Variants in UBE2K observed in about 807,000 individuals in gnomAD.
The protein encoded by UBE2K is ubiquitin conjugating enzyme E2 K.
UBE2K carries 6 observed loss-of-function variants against 30.0 expected under a neutral mutation model. The observed-to-expected ratio is 0.20, with a 90% CI of 0.11 to 0.39. UBE2K has a LOEUF of 0.39. Among genes scored for constraint, UBE2K ranks in the 10% least tolerant of loss-of-function variants. The probability of loss-of-function intolerance (pLI) is 1.00; values close to 1 mark genes in which losing one functional copy is unlikely to be tolerated. For missense variants in UBE2K, 61 were observed against 241.6 expected (o/e 0.25, Z 4.96); for synonymous variants, 86 against 83.7 (o/e 1.03, Z -0.15).
intron 1 of UBE2K, among the ~76,000 whole-genome samples, chr4:39,726,922 CTTCTGAGTTATTT>C (rs1303350074): frequency 6.7e-6 from 1 of 149,908 alleles, no homozygotes; most frequent in African/African-American, 2.5e-5. Context: ...TGAAACAAAT[CTTCTGAGTTATTT>C]TGCAGCAAAC....
chr4:39,743,667 G>A (rs1204737216), intron 2 of UBE2K, among the ~76,000 whole-genome samples: 1 of 151,520 alleles, frequency 6.6e-6, no homozygotes, highest in African/African-American at 2.4e-5. Context: ...TCAGCTCACG[G>A]CCATCTGTGA....
At chr4:39,745,156 G>C (rs1338361751) in intron 2 of UBE2K, among the ~76,000 whole-genome samples, 1 of 152,122 alleles carries the variant, frequency 6.6e-6, no homozygotes, top group African/African-American at 2.4e-5. Flanking sequence ...CATTAGCCAT[G>C]GACCCAGCTT....
chr4:39,739,551 A>G (rs1343086628), intron 2 of UBE2K, among the ~76,000 whole-genome samples: 2 of 148,756 alleles, frequency 1.3e-5, no homozygotes, highest in Non-Finnish European at 3.0e-5. Flanking sequence ...GGTTCAAGCA[A>G]TTCTCCTGCC....
rs1019823018 is a variant in UBE2K at position 39,780,455 on chromosome 4, T to C, written c.*2021T>C. The C allele has an allele frequency of 2.7e-4, 41 of 152,198 alleles. No individual in the cohort carries two copies. Among genetic ancestry groups the C allele is most frequent in the African/African-American group, 9.9e-4 (41 of 41,538 alleles). 9.4% of individuals were successfully genotyped at this position (152,198 alleles called of 1,614,324 possible). On this transcript the variant is annotated 3_prime_UTR_variant, in exon 7 of 7. Transcript: ENST00000261427. ...AACAAAGGTGAGAGAGCTCAGAGGT[T>C]TCTAAAGGTCAAGCATTTTACATAT... is the stretch of plus-strand genomic sequence containing the variant.
chr4:39,774,136 A>C (rs1390128934), intron 4 of UBE2K, among the ~76,000 whole-genome samples: 1 of 151,340 alleles, frequency 6.6e-6, no homozygotes, highest in African/African-American at 2.4e-5. Flanking sequence ...GTCTTTACGA[A>C]AAAAGGAAAA....
intron 2 of UBE2K, among the ~76,000 whole-genome samples, chr4:39,742,923 G>A (rs1314330051): frequency 6.6e-6 from 1 of 151,982 alleles, no homozygotes; most frequent in African/African-American, 2.4e-5. Context: ...GTGGGCACCT[G>A]TAAACCCAGT....
intron 1 of UBE2K, among the ~76,000 whole-genome samples, chr4:39,716,601 C>T (rs1229473100): frequency 1.3e-5 from 2 of 152,094 alleles, no homozygotes; most frequent in African/African-American, 2.4e-5. Context: ...TAGCTTAAGC[C>T]GGTAATCCCA....
intron 5 of UBE2K, among the ~76,000 whole-genome samples, chr4:39,775,392 A>G (rs1423373647): frequency 6.6e-6 from 1 of 152,224 alleles, no homozygotes; most frequent in Non-Finnish European, 1.5e-5. Context: ...TTCTAGCTAC[A>G]GTGGCTGAGT....
chr4:39,776,600 C>T (rs1713297579), intron 5 of UBE2K, among the ~76,000 whole-genome samples: 1 of 152,058 alleles, frequency 6.6e-6, no homozygotes, highest in Admixed American at 6.5e-5. Context: ...TCCAATCTAC[C>T]ATATTTCCTC....
At chr4:39,714,534 A>ATTT (rs1560343675) in intron 1 of UBE2K, 2 of 26,832 alleles carry the variant, frequency 7.5e-5, no homozygotes, top group African/African-American at 6.3e-4. Context: ...ATATATATAT[A>ATTT]TATATATATA....
At position 39,778,678 on chromosome 4, in the gene UBE2K, T is replaced by C; in HGVS notation, c.*244T>C. The C allele has an allele frequency of 2.9e-6, 1 of 347,118 alleles. No homozygotes were observed. The allele number at this position is 347,118 out of a possible 1,614,324, so 21.5% of individuals were successfully genotyped here. ...TTTTCTTAATAGTGTAAAAATTCCCTGAGCTAAGCTAAAACCATGGAAGAA... is the reference window on the plus strand; with the variant it reads ...TTTTCTTAATAGTGTAAAAATTCCCCGAGCTAAGCTAAAACCATGGAAGAA... On this transcript the variant is annotated 3_prime_UTR_variant, in exon 7 of 7. Coordinates refer to ENST00000261427, the MANE Select transcript of UBE2K (RefSeq NM_005339.5).
intron 3 of UBE2K, among the ~76,000 whole-genome samples, chr4:39,749,499 C>A (rs956846643): frequency 2.0e-4 from 30 of 148,432 alleles, no homozygotes; most frequent in African/African-American, 6.2e-4. Flanking sequence ...ACTAAAAATG[C>A]CAAAAACTAA....
At chr4:39,716,396 T>C (rs1181700850) in intron 1 of UBE2K, among the ~76,000 whole-genome samples, 1 of 152,178 alleles carries the variant, frequency 6.6e-6, no homozygotes, top group Non-Finnish European at 1.5e-5. Flanking sequence ...TACAGGCATT[T>C]GCCACCATGC....
intron 5 of UBE2K, among the ~76,000 whole-genome samples, chr4:39,776,809 T>A (rs1713308704): frequency 6.6e-6 from 1 of 152,170 alleles, no homozygotes; most frequent in Non-Finnish European, 1.5e-5. Flanking sequence ...TCATATTTGT[T>A]GTTATAAGCA....
chr4:39,714,981 C>T (rs1195315876), intron 1 of UBE2K, among the ~76,000 whole-genome samples: 1 of 151,784 alleles, frequency 6.6e-6, no homozygotes, highest in Non-Finnish European at 1.5e-5. Flanking sequence ...AGCCCAGCCT[C>T]CTGAGTAGCT....
chr4:39,737,371 C>T (rs777546794), intron 1 of UBE2K, 49 bp from the exon 2 acceptor site: 6 of 1,159,766 alleles, frequency 5.2e-6, no homozygotes, highest in Admixed American at 2.7e-5. Context: ...ATACTTTAGG[C>T]GTTTTTCTTG....
At chr4:39,760,193 CAGA>C (rs1711822169) in intron 4 of UBE2K, among the ~76,000 whole-genome samples, 5 of 34,834 alleles carry the variant, frequency 1.4e-4, no homozygotes, top group Admixed American at 4.1e-4. Flanking sequence ...AAAAAAAAAA[CAGA>C]AAAAAAAAAA....
chr4:39,778,563 A>C lies in UBE2K; in HGVS notation c.*129A>C. On this transcript the variant is annotated 3_prime_UTR_variant, in exon 7 of 7. Transcript: ENST00000261427. ...TGCCTAATGATGTTATCTAGGCACC[A>C]TTGGAGACTGAAAAAAAAAAATCCC... 1 of 507,934 alleles carries C rather than the reference A, an allele frequency of 2.0e-6. No homozygotes were observed. The allele number at this position is 507,934 out of a possible 1,614,324, so 31.5% of individuals were successfully genotyped here.
Position 39,727,443 on chromosome 4 carries a change from C to G in UBE2K, c.64-9977C>G, listed in dbSNP as rs9306975. Among the ~76,000 whole-genome samples, 891 of 152,250 alleles carry G rather than the reference C, an allele frequency of 5.9e-3. 6 individuals are homozygous for G. The highest frequency in any genetic ancestry group is 0.02 in the African/African-American group (846 of 41,542). Reference sequence around the variant, plus strand: ...GTGGTAAGATCACGGCTCTCTGCAGCCTGGGATTCCTGGGCTCAGGTGATT... The same window carrying G: ...GTGGTAAGATCACGGCTCTCTGCAGGCTGGGATTCCTGGGCTCAGGTGATT... On this transcript the variant is annotated intron_variant, in intron 1 of 6. Coordinates refer to ENST00000261427, the MANE Select transcript of UBE2K (RefSeq NM_005339.5).
Sources: allele counts gnomAD v4.1 joint callset (sites outside exome capture counted in the v4.1 genomes callset), GRCh38; gene constraint gnomAD v4.1.1; transcripts MANE v1.5; gene names NCBI Gene and HGNC (gene_info 2026-07-23, HGNC 2026-07-21).